Variants in CWF19L2 observed in about 807,000 individuals in gnomAD.
CWF19L2 encodes CWF19-like protein 2.
CWF19L2 carries 98 observed loss-of-function variants against 111.7 expected under a neutral mutation model. That is an observed-to-expected ratio of 0.88 (90% CI 0.75 to 1.04). CWF19L2 has a LOEUF of 1.04. Among genes scored for constraint, CWF19L2 ranks in the 50% least tolerant of loss-of-function variants. The pLI is 0.00. For synonymous variants in CWF19L2, 351 were observed against 342.9 expected (o/e 1.02, Z -0.26); for missense variants, 1,101 against 1,051.4 (o/e 1.05, Z -0.65).
chr11:107,343,085 T>G (rs1057405294), intron 14 of CWF19L2, among the ~76,000 whole-genome samples: 1 of 152,194 alleles, frequency 6.6e-6, no homozygotes, highest in African/African-American at 2.4e-5. Flanking sequence ...TCTACAGTTT[T>G]AAGGCACCAT....
intron 5 of CWF19L2, among the ~76,000 whole-genome samples, chr11:107,441,226 TTGAG>T (rs1373529713): frequency 5.3e-5 from 8 of 152,274 alleles, no homozygotes; most frequent in Middle Eastern, 3.4e-3. Context: ...GAAACAAAAA[TTGAG>T]TGAGTTCACT....
intron 12 of CWF19L2, among the ~76,000 whole-genome samples, chr11:107,356,699 A>G (rs1860241732): frequency 6.6e-6 from 1 of 152,182 alleles, no homozygotes; most frequent in African/African-American, 2.4e-5. Flanking sequence ...TCTAATCCAA[A>G]TATTTCTGCA....
At chr11:107,353,882 T>G in intron 12 of CWF19L2, 146 bp from the exon 13 acceptor site, 1 of 639,508 alleles carries the variant, frequency 1.6e-6, no homozygotes. Flanking sequence ...AATATTTGTT[T>G]GATCTTCTAG....
chr11:107,384,289 A>G (rs1860733837), intron 12 of CWF19L2, among the ~76,000 whole-genome samples: 1 of 152,230 alleles, frequency 6.6e-6, no homozygotes, highest in Non-Finnish European at 1.5e-5. Flanking sequence ...ATTGTTTTGG[A>G]TTTTAAAATG....
At chr11:107,411,456 T>A (rs1457437831) in intron 10 of CWF19L2, among the ~76,000 whole-genome samples, 1 of 152,158 alleles carries the variant, frequency 6.6e-6, no homozygotes, top group Non-Finnish European at 1.5e-5. Flanking sequence ...TATAACTTTT[T>A]AAGAATGTGT....
At chr11:107,359,160 C>T (rs368758532) in intron 12 of CWF19L2, among the ~76,000 whole-genome samples, 58 of 152,306 alleles carry the variant, frequency 3.8e-4, no homozygotes, top group African/African-American at 1.4e-3. Context: ...AGTCTGCCAA[C>T]AACAGAGACC....
intron 10 of CWF19L2, among the ~76,000 whole-genome samples, chr11:107,409,515 G>A (rs996793706): frequency 3.9e-5 from 6 of 152,048 alleles, no homozygotes; most frequent in South Asian, 2.1e-4. Flanking sequence ...AATTTCCTGC[G>A]TTATCTTTTC....
intron 9 of CWF19L2, among the ~76,000 whole-genome samples, chr11:107,417,694 T>C (rs929375560): frequency 6.6e-6 from 1 of 151,736 alleles, no homozygotes; most frequent in African/African-American, 2.4e-5. Context: ...ATTTCAGAGA[T>C]CTGACAGAGA....
intron 14 of CWF19L2, among the ~76,000 whole-genome samples, chr11:107,344,797 A>C (rs968258547): frequency 2.2e-4 from 34 of 152,338 alleles, no homozygotes; most frequent in African/African-American, 8.2e-4. Context: ...TTGAGAATTA[A>C]GAGACTGGAT....
intron 12 of CWF19L2, among the ~76,000 whole-genome samples, chr11:107,383,831 G>A (rs1205265386): frequency 6.6e-6 from 1 of 152,184 alleles, no homozygotes; most frequent in Non-Finnish European, 1.5e-5. Context: ...ACTGAGCCCA[G>A]GTAGTATCAG....
In CWF19L2 at chr11:107,403,107, A is replaced by G. The variant is rs564065892; in HGVS notation, c.1618-10212T>C. Among the ~76,000 whole-genome samples, 17 of 151,528 alleles carry G rather than the reference A, an allele frequency of 1.1e-4. No individual in the cohort carries two copies. The South Asian group carries it at 3.3e-3, about 30-fold the overall frequency. On this transcript the variant is annotated intron_variant, in intron 10 of 17. Coordinates refer to ENST00000282251, the MANE Select transcript of CWF19L2 (RefSeq NM_152434.3). ...AATGCACTTTGGGGACTTTAGGGAA[A>G]GAGTGTGAAGGGGGTGAGGGATAAA...
intron 12 of CWF19L2, among the ~76,000 whole-genome samples, chr11:107,374,440 G>A (rs1397172640): frequency 9.4e-3 from 939 of 99,630 alleles, no homozygotes; most frequent in African/African-American, 0.014. Flanking sequence ...AACTCTACAA[G>A]CCAGAAGAGA....
intron 6 of CWF19L2, among the ~76,000 whole-genome samples, chr11:107,435,869 T>A (rs1423774547): frequency 6.6e-6 from 1 of 152,082 alleles, no homozygotes; most frequent in Non-Finnish European, 1.5e-5. Context: ...AACATGAATG[T>A]ACAAGGCCAG....
Position 107,446,557 on chromosome 11 carries a change from ATCT to A in CWF19L2, c.340-3511_340-3509del, listed in dbSNP as rs543946058. 6.1e-3 allele frequency among the ~76,000 whole-genome samples: 931 copies of A among 152,292 alleles called. 10 individuals carry two copies. The highest frequency in any genetic ancestry group is 0.021 in the African/African-American group (892 of 41,556). ...AGTAACAACAGAAAATAAAGCCAAC[ATCT>A]TCTTCTACAAAATCTACTACAAAAT... On this transcript the variant is annotated intron_variant, in intron 3 of 17. Coordinates refer to ENST00000282251, the MANE Select transcript of CWF19L2 (RefSeq NM_152434.3).
rs1386957920 is a variant in CWF19L2, at chr11:107,326,630, C to G, written c.*280G>C. The stretch of plus-strand genomic sequence containing the variant: ...TCAGAAAAGGCCTTCTCTAAATTAA[C>G]TGAACAATTCGGAATACCAAGAAGT... On this transcript the variant is annotated 3_prime_UTR_variant, in exon 18 of 18. Coordinates refer to ENST00000282251, the MANE Select transcript of CWF19L2 (RefSeq NM_152434.3). The G allele has an allele frequency of 3.6e-6, 1 of 274,744 alleles. No homozygotes were observed. Among genetic ancestry groups the G allele is most frequent in the Non-Finnish European group, 6.7e-6 (1 of 148,734 alleles). 17.0% of individuals were successfully genotyped at this position (274,744 alleles called of 1,614,324 possible). A position where few individuals can be genotyped will look rare whatever the true frequency, so the allele number is the denominator to read the frequency against.
At chr11:107,438,770 C>T (rs994846592) in intron 6 of CWF19L2, among the ~76,000 whole-genome samples, 2 of 152,090 alleles carry the variant, frequency 1.3e-5, no homozygotes, top group Non-Finnish European at 2.9e-5. Context: ...TGAGGCCAGG[C>T]GCAGTAGCTC....
intron 14 of CWF19L2, chr11:107,348,638 G>A (rs1294906269): frequency 1.2e-5 from 2 of 170,032 alleles, no homozygotes; most frequent in African/African-American, 4.8e-5. Context: ...TGGTAAGAAT[G>A]ATTCTTTCAT....
chr11:107,425,755 C>T (rs1861367293), intron 8 of CWF19L2, among the ~76,000 whole-genome samples: 1 of 151,774 alleles, frequency 6.6e-6, no homozygotes, highest in Non-Finnish European at 1.5e-5. Flanking sequence ...CCCTTCTGGG[C>T]TACAGTAACA....
At chr11:107,398,126 C>G (rs994854587) in intron 10 of CWF19L2, among the ~76,000 whole-genome samples, 2 of 152,132 alleles carry the variant, frequency 1.3e-5, no homozygotes, top group African/African-American at 4.8e-5. Context: ...GGCTCTTCAA[C>G]GCCTCCCAAA....
Sources: allele counts gnomAD v4.1 joint callset (sites outside exome capture counted in the v4.1 genomes callset), GRCh38; gene constraint gnomAD v4.1.1; transcripts MANE v1.5; gene names NCBI Gene and HGNC (gene_info 2026-07-23, HGNC 2026-07-21).